Variants in ABAT observed in about 807,000 individuals in gnomAD.
ABAT encodes 4-aminobutyrate aminotransferase, mitochondrial.
Under a neutral mutation model 64.6 loss-of-function variants are expected in ABAT, and 45 were observed. The observed-to-expected ratio is 0.70, with a 90% CI of 0.55 to 0.89. ABAT has a LOEUF of 0.89. ABAT is among the 40% of genes least tolerant of loss of function. The pLI is 0.00. For synonymous variants in ABAT, 297 were observed against 250.5 expected (o/e 1.19, Z -1.75); for missense variants, 633 against 658.4 (o/e 0.96, Z 0.42).
chr16:8,713,754 C>T (rs2058133188), intron 1 of ABAT: 5 of 409,872 alleles, frequency 1.2e-5, no homozygotes, highest in South Asian at 8.3e-5. Flanking sequence ...CCCAACGGCA[C>T]CTCTTAGGAT....
At chr16:8,726,770 G>C (rs796158712) in intron 1 of ABAT, among the ~76,000 whole-genome samples, 7 of 152,170 alleles carry the variant, frequency 4.6e-5, no homozygotes, top group African/African-American at 9.7e-5. Flanking sequence ...ACCTCCAACT[G>C]TTCTCCATAG....
intron 1 of ABAT, among the ~76,000 whole-genome samples, chr16:8,710,210 G>C (rs940283688): frequency 3.3e-4 from 50 of 152,300 alleles, no homozygotes; most frequent in African/African-American, 1.2e-3. Flanking sequence ...TACATGGAAA[G>C]TACTTAGCTC....
Position 8,764,384 on chromosome 16 carries a change from A to G in ABAT, c.447+235A>G, listed in dbSNP as rs776410429. 2.7e-4 allele frequency among the ~76,000 whole-genome samples: 41 copies of G among 152,130 alleles called. No homozygotes were observed. The highest frequency in any genetic ancestry group is 4.9e-4 in the Non-Finnish European group (33 of 68,024). ...ATGTGTCGCATGATAGGAGCCTTGC[A>G]TATGTCATTCAATCCTGCCCCCACT... On this transcript the variant is annotated intron_variant, in intron 7 of 15. Transcript: ENST00000268251. The surrounding 1 kb of genome is among the most constrained non-coding windows in gnomAD (Gnocchi z 4.2).
chr16:8,765,379 C>G (rs187245541), intron 8 of ABAT, among the ~76,000 whole-genome samples: 2 of 151,086 alleles, frequency 1.3e-5, no homozygotes, highest in Non-Finnish European at 2.9e-5. Flanking sequence ...AATTCCCCTC[C>G]AAGGTTGGGC....
At chr16:8,681,419 G>C (rs796864975) in intron 1 of ABAT, among the ~76,000 whole-genome samples, 209 of 150,014 alleles carry the variant, frequency 1.4e-3, no homozygotes, top group African/African-American at 5.0e-3. Context: ...CTGCCTATCA[G>C]GAACTCACAG....
At chr16:8,700,195 G>C (rs2057789016) in intron 1 of ABAT, among the ~76,000 whole-genome samples, 1 of 152,116 alleles carries the variant, frequency 6.6e-6, no homozygotes, top group Non-Finnish European at 1.5e-5. Context: ...GAGTATTGCA[G>C]GTGTGGTTTT....
chr16:8,781,737 AC>A lies in ABAT; in HGVS notation c.*311del, dbSNP rs1484592883. ...CTAGAGTTCTGCCCAACCTTGACCA[AC>A]CCCAGCAATTTTTCCAAAAGCCAGT... On this transcript the variant is annotated 3_prime_UTR_variant, in exon 16 of 16. Transcript: ENST00000268251. This position sits in a 1 kb window ranked among gnomAD's most constrained non-coding sequence, Gnocchi z 4.5. 4.4e-6 allele frequency: 2 copies of A among 457,042 alleles called. No homozygotes were observed. Among genetic ancestry groups the A allele is most frequent in the Non-Finnish European group, 8.1e-6 (2 of 247,948 alleles). The allele number at this position is 457,042 out of a possible 1,614,324, so 28.3% of individuals were successfully genotyped here.
intron 1 of ABAT, among the ~76,000 whole-genome samples, chr16:8,695,962 G>T (rs2057692401): frequency 6.6e-6 from 1 of 152,234 alleles, no homozygotes; most frequent in Non-Finnish European, 1.5e-5. Flanking sequence ...CCCTTTGCCT[G>T]ATGCTTAAAG....
intron 6 of ABAT, among the ~76,000 whole-genome samples, chr16:8,763,626 A>C (rs1285385556): frequency 2.0e-5 from 3 of 152,174 alleles, no homozygotes; most frequent in Non-Finnish European, 4.4e-5. Context: ...CTGGTCTCGA[A>C]CTCCTGGCCT....
At chr16:8,750,308 G>A (rs542439567) in intron 4 of ABAT, 114 bp from the exon 5 acceptor site, 8 of 945,418 alleles carry the variant, frequency 8.5e-6, no homozygotes, top group African/African-American at 8.0e-5. Context: ...AGATGCCTCT[G>A]TGTGTCCACA....
chr16:8,726,742 T>G (rs1439261383), intron 1 of ABAT, among the ~76,000 whole-genome samples: 1 of 152,218 alleles, frequency 6.6e-6, no homozygotes, highest in Non-Finnish European at 1.5e-5. Flanking sequence ...GGTAGCTCAA[T>G]TTTTAGTTTT....
rs529682298 is a variant in ABAT at position 8,681,967 on chromosome 16, G to T, written c.-42+7256G>T. ...ACCTCTATACTACTGACGTGGAAGC[G>T]AGGCTGTCCTGTGCCGGATGTTTAG... is the stretch of plus-strand genomic sequence containing the variant. On this transcript the variant is annotated intron_variant, in intron 1 of 15. Transcript: ENST00000268251. 7.4e-4 allele frequency among the ~76,000 whole-genome samples: 113 copies of T among 152,090 alleles called. 2 individuals are homozygous for T. Among genetic ancestry groups the T allele is most frequent in the Admixed American group, 6.4e-3 (97 of 15,258 alleles).
intron 1 of ABAT, among the ~76,000 whole-genome samples, chr16:8,724,744 AAC>A (rs1376124813): frequency 8.6e-4 from 4 of 4,628 alleles, no homozygotes; most frequent in African/African-American, 2.8e-3. Flanking sequence ...AAAAAAAAAA[AAC>A]AAAAAAAAAA....
chr16:8,741,185 G>A (rs2059152610), intron 2 of ABAT, among the ~76,000 whole-genome samples: 1 of 152,320 alleles, frequency 6.6e-6, no homozygotes, highest in South Asian at 2.1e-4. Flanking sequence ...CTTGCCTTCT[G>A]GATGTGTTAT....
chr16:8,745,845 T>G (rs1177497395), intron 2 of ABAT, among the ~76,000 whole-genome samples, 156 bp from the exon 3 acceptor site: 3 of 152,170 alleles, frequency 2.0e-5, no homozygotes, highest in African/African-American at 7.2e-5. Context: ...GGTGGCCCAG[T>G]TGGTCTGTCC....
chr16:8,723,935 G>C (rs573331821), intron 1 of ABAT, among the ~76,000 whole-genome samples: 1 of 144,966 alleles, frequency 6.9e-6, no homozygotes, highest in South Asian at 2.2e-4. Flanking sequence ...CCACCTCCCG[G>C]GTTCAAGCAA....
chr16:8,776,495 C>A lies in ABAT; in HGVS notation c.1269+5C>A, dbSNP rs1172949610. The A allele has an allele frequency of 1.2e-6, 2 of 1,608,648 alleles. No individual in the cohort carries two copies. Among genetic ancestry groups the A allele is most frequent in the Non-Finnish European group, 1.7e-6 (2 of 1,178,070 alleles). On this transcript the variant is annotated splice_donor_5th_base_variant and intron_variant, in intron 14 of 15. Transcript: ENST00000268251. This position sits in a 1 kb window ranked among gnomAD's most constrained non-coding sequence, Gnocchi z 4.4. ...ACAGGACTGCTGGACCTCCAGGTAA[C>A]ACCCCCTCCCCTGCCCCGCCCCCAC...
At chr16:8,763,723 T>C (rs1212504802) in intron 6 of ABAT, among the ~76,000 whole-genome samples, 1 of 152,156 alleles carries the variant, frequency 6.6e-6, no homozygotes, top group Non-Finnish European at 1.5e-5. Context: ...GCCATTCTGA[T>C]GGTTAAATAT....
chr16:8,712,292 T>C (rs993260783), intron 1 of ABAT, among the ~76,000 whole-genome samples: 1 of 152,208 alleles, frequency 6.6e-6, no homozygotes, highest in Non-Finnish European at 1.5e-5. Context: ...TGCTTACTTT[T>C]ATGCAGGTTG....
Sources: gnomAD v4.1 joint callset for allele counts (sites outside exome capture counted in the v4.1 genomes callset) on GRCh38, gnomAD v4.1.1 for gene constraint, Gnocchi (gnomAD v3.1) non-coding constraint, MANE v1.5 for transcripts, NCBI Gene and HGNC (gene_info 2026-07-23, HGNC 2026-07-21) for gene names.